Variants in NLGN1 observed in about 807,000 individuals in gnomAD.
NLGN1 encodes the protein neuroligin 1.
Under a neutral mutation model 65.5 loss-of-function variants are expected in NLGN1, and 12 were observed. The observed-to-expected ratio is 0.18, with a 90% CI of 0.12 to 0.30. NLGN1 has a LOEUF of 0.30. NLGN1 is among the 10% of genes least tolerant of loss of function. The pLI is 1.00. For missense variants in NLGN1, 750 were observed against 1,007.1 expected, an observed-to-expected ratio of 0.74 and a Z score of 3.46; for synonymous variants, 350 against 359.5, an observed-to-expected ratio of 0.97 and a Z score of 0.30.
intron 4 of NLGN1, among the ~76,000 whole-genome samples, chr3:173,960,599 A>G (rs1005258649): frequency 2.0e-5 from 3 of 152,028 alleles, no homozygotes; most frequent in Non-Finnish European, 4.4e-5. Flanking sequence ...TAACACTATA[A>G]TTTTAAAAAA....
intron 4 of NLGN1, among the ~76,000 whole-genome samples, chr3:174,095,893 G>A (rs112610700): frequency 1.3e-5 from 2 of 152,074 alleles, no homozygotes; most frequent in South Asian, 2.1e-4. Context: ...CTGGCTACTC[G>A]GGAGGCTGAG....
intron 4 of NLGN1, among the ~76,000 whole-genome samples, chr3:173,857,418 A>G (rs2150776980): frequency 6.6e-6 from 1 of 152,114 alleles, no homozygotes; most frequent in South Asian, 2.1e-4. Flanking sequence ...TCCCAGGTCT[A>G]CCTTTGAGGT....
chr3:173,993,815 A>G (rs148505542), intron 4 of NLGN1, among the ~76,000 whole-genome samples: 2 of 152,012 alleles, frequency 1.3e-5, no homozygotes, highest in South Asian at 2.1e-4. Context: ...TTGTGTATAT[A>G]TATATTTTCC....
chr3:174,153,188 C>T (rs1369674200), intron 4 of NLGN1, among the ~76,000 whole-genome samples: 1 of 152,026 alleles, frequency 6.6e-6, no homozygotes, highest in Non-Finnish European at 1.5e-5. Context: ...TATGTCACTC[C>T]CTTATTCGAC....
intron 4 of NLGN1, among the ~76,000 whole-genome samples, chr3:174,126,969 G>A (rs1719074619): frequency 6.6e-6 from 1 of 151,954 alleles, no homozygotes; most frequent in South Asian, 2.1e-4. Flanking sequence ...AAACTCTATT[G>A]GTAAGATAGA....
chr3:174,063,088 C>A (rs1398665040), intron 4 of NLGN1, among the ~76,000 whole-genome samples: 3 of 152,080 alleles, frequency 2.0e-5, no homozygotes, highest in Admixed American at 2.0e-4. Flanking sequence ...CGATTGCAAT[C>A]TAACATGATA....
At chr3:173,492,912 C>T (rs1317925288) in intron 2 of NLGN1, among the ~76,000 whole-genome samples, 2 of 151,704 alleles carry the variant, frequency 1.3e-5, no homozygotes, top group Admixed American at 6.6e-5. Flanking sequence ...ATATTAGTAT[C>T]TCCTTAGGAA....
At chr3:173,922,861 T>G (rs1040439101) in intron 4 of NLGN1, among the ~76,000 whole-genome samples, 3 of 152,142 alleles carry the variant, frequency 2.0e-5, no homozygotes, top group Non-Finnish European at 4.4e-5. Context: ...CCACGAGCAA[T>G]TCCATTAAAC....
intron 1 of NLGN1, among the ~76,000 whole-genome samples, chr3:173,418,635 T>A (rs901308616): frequency 1.3e-5 from 2 of 152,212 alleles, no homozygotes; most frequent in East Asian, 1.9e-4. Context: ...ATGATTTTCA[T>A]CTTTGAGATT....
At chr3:174,138,433 CTTTT>C (rs58713208) in intron 4 of NLGN1, among the ~76,000 whole-genome samples, 4 of 132,548 alleles carry the variant, frequency 3.0e-5, no homozygotes, top group African/African-American at 2.9e-5. Context: ...TTCTACTATT[CTTTT>C]TTTTTTTTTT....
rs140793296 is a variant in NLGN1 at position 173,844,172 on chromosome 3, A to G, written c.646+36340A>G. 6.4e-3 allele frequency among the ~76,000 whole-genome samples: 967 copies of G among 152,238 alleles called. 16 individuals carry two copies. Among genetic ancestry groups the G allele is most frequent in the African/African-American group, 0.022 (916 of 41,542 alleles). On this transcript the variant is annotated intron_variant, in intron 4 of 6. Coordinates refer to ENST00000457714, the Ensembl canonical transcript of NLGN1. ...AGGAAAAACCCACCCCCATAATTCA[A>G]TAACCTCCCACGGGGTCCCTCCCAC... is the stretch of plus-strand genomic sequence containing the variant.
chr3:173,539,817 T>TATATACATATATAC (rs1738470454), intron 2 of NLGN1, among the ~76,000 whole-genome samples: 1 of 135,118 alleles, frequency 7.4e-6, no homozygotes, highest in Non-Finnish European at 1.5e-5. Context: ...CATATATACA[T>TATATACATATATAC]ATGTTATATA....
rs372857037 is a variant in NLGN1 at position 173,520,190 on chromosome 3, T to C, written c.-320-84089T>C. Reference sequence around the variant, plus strand: ...GAAGCAGGAGCTGCTATGCTTCCTATACAGCCTGCAGATCCATGAGCCAAT... The same window carrying C: ...GAAGCAGGAGCTGCTATGCTTCCTACACAGCCTGCAGATCCATGAGCCAAT... On this transcript the variant is annotated intron_variant, in intron 2 of 6. Coordinates refer to ENST00000457714, the Ensembl canonical transcript of NLGN1. Among the ~76,000 whole-genome samples the C allele has an allele frequency of 2.7e-3, 413 of 152,302 alleles. 1 individual carries two copies. The highest frequency in any genetic ancestry group is 9.3e-3 in the African/African-American group (388 of 41,574).
chr3:173,427,937 G>A (rs1716450427), intron 1 of NLGN1, among the ~76,000 whole-genome samples: 1 of 150,782 alleles, frequency 6.6e-6, no homozygotes, highest in Non-Finnish European at 1.5e-5. Context: ...CTGTGTTACA[G>A]TCTGTCTCTT....
rs182707756 is a variant in NLGN1, at chr3:173,485,844, T to C, written c.-321+50766T>C. ...ATCTGAAAATAACAATATTTAGTTT[T>C]TTCTTTTCATATCTTTCCTTATATA... On this transcript the variant is annotated intron_variant, in intron 2 of 6. Coordinates refer to ENST00000457714, the Ensembl canonical transcript of NLGN1. 2.0e-5 allele frequency among the ~76,000 whole-genome samples: 3 copies of C among 152,298 alleles called. No homozygotes were observed. The East Asian group carries it at 5.8e-4, about 29-fold the overall frequency.
chr3:174,034,087 A>G (rs1004652095), intron 4 of NLGN1, among the ~76,000 whole-genome samples: 2 of 152,114 alleles, frequency 1.3e-5, no homozygotes, highest in African/African-American at 2.4e-5. Context: ...CTTTATGTAT[A>G]GAGGAACAAG....
intron 2 of NLGN1, among the ~76,000 whole-genome samples, chr3:173,521,167 G>A (rs2149135721): frequency 6.6e-6 from 1 of 152,238 alleles, no homozygotes; most frequent in South Asian, 2.1e-4. Context: ...TTAATAACCT[G>A]CTGCTGAATG....
intron 4 of NLGN1, among the ~76,000 whole-genome samples, chr3:173,985,646 T>C (rs1470104697): frequency 6.6e-6 from 1 of 152,190 alleles, no homozygotes; most frequent in Non-Finnish European, 1.5e-5. Context: ...TGTAATAAAG[T>C]ATTTTTAAAA....
At chr3:173,777,940 C>A (rs982112259) in intron 3 of NLGN1, among the ~76,000 whole-genome samples, 10 of 151,738 alleles carry the variant, frequency 6.6e-5, no homozygotes, top group Admixed American at 1.3e-4. Flanking sequence ...TGATAATAAT[C>A]ATTGTATTAA....
Sources: gnomAD v4.1 joint callset for allele counts (sites outside exome capture counted in the v4.1 genomes callset) on GRCh38, gnomAD v4.1.1 for gene constraint, MANE v1.5 for transcripts, NCBI Gene and HGNC (gene_info 2026-07-23, HGNC 2026-07-21) for gene names.